ENTPD5: variants seen among roughly 807,000 people sequenced by gnomAD.
The protein encoded by ENTPD5 is ectonucleoside triphosphate diphosphohydrolase 5 (inactive), also known as nucleoside diphosphate phosphatase ENTPD5.
In ENTPD5, 49 loss-of-function variants were observed where a neutral mutation model predicts 60.2. The ratio of observed to expected loss-of-function variants is 0.81; its 90% CI spans 0.65 to 1.03. The LOEUF is 1.03. ENTPD5 is among the 50% of genes least tolerant of loss of function. ENTPD5 has a pLI of 0.00. For synonymous variants in ENTPD5, 187 were observed against 185.4 expected, an observed-to-expected ratio of 1.01 and a Z score of -0.07; for missense variants, 480 against 507.6, an observed-to-expected ratio of 0.95 and a Z score of 0.52.
At position 73,964,730 on chromosome 14, in the gene ENTPD5, TA is replaced by T. The variant is rs938708381; in HGVS notation, c.*2197del. ...TTGTTGACAAAGATGGGAAGGGGTC[TA>T]AAAGTCATGTCACTTATAAAAGAAC... On this transcript the variant is annotated 3_prime_UTR_variant, in exon 16 of 16. Transcript: ENST00000334696. 1.3e-5 allele frequency: 2 copies of T among 152,226 alleles called. No homozygotes were observed. The highest frequency in any genetic ancestry group is 4.8e-5 in the African/African-American group (2 of 41,466). 9.4% of individuals were successfully genotyped at this position (152,226 alleles called of 1,614,324 possible). A position where few individuals can be genotyped will look rare whatever the true frequency, so the allele number is the denominator to read the frequency against.
chr14:73,977,402 AGAATTCCCTAAGGC>A (rs1566722528), intron 6 of ENTPD5, 28 bp from the exon 7 acceptor site: 6 of 1,426,002 alleles, frequency 4.2e-6, no homozygotes, highest in Non-Finnish European at 5.8e-6. Flanking sequence ...AAAAAAAAAA[AGAATTCCCTAAGGC>A]AATAAAATAG....
downstream of ENTPD5, among the ~76,000 whole-genome samples, chr14:73,957,831 C>A (rs1347705961): frequency 6.6e-6 from 1 of 152,148 alleles, no homozygotes; most frequent in Non-Finnish European, 1.5e-5. Context: ...GTATTCCCAG[C>A]CTGTCTACTG....
intron 15 of ENTPD5, among the ~76,000 whole-genome samples, chr14:73,967,824 AAAAG>A (rs1256827005): frequency 3.3e-5 from 5 of 151,052 alleles, no homozygotes; most frequent in African/African-American, 4.9e-5. Context: ...AAAAGAAAAA[AAAAG>A]AAACGAACAA....
intron 14 of ENTPD5, among the ~76,000 whole-genome samples, chr14:73,970,356 G>T (rs2057170520): frequency 6.6e-6 from 1 of 152,138 alleles, no homozygotes; most frequent in African/African-American, 2.4e-5. Context: ...GCAGGGCGTG[G>T]TGGTGTACCG....
chr14:74,005,476 A>C (rs562804111), intron 3 of ENTPD5, among the ~76,000 whole-genome samples: 194 of 152,088 alleles, frequency 1.3e-3, no homozygotes, highest in African/African-American at 4.2e-3. Flanking sequence ...CTAGGATTAC[A>C]GGTGTGAGCC....
At chr14:73,999,495 C>A (rs923735011) in intron 3 of ENTPD5, among the ~76,000 whole-genome samples, 2 of 145,110 alleles carry the variant, frequency 1.4e-5, no homozygotes, top group African/African-American at 5.1e-5. Context: ...CCCCCACCCC[C>A]CCAAAAAAAA....
At chr14:73,985,783 T>A (rs2057874539) in intron 5 of ENTPD5, among the ~76,000 whole-genome samples, 2 of 151,974 alleles carry the variant, frequency 1.3e-5, no homozygotes, top group African/African-American at 4.8e-5. Flanking sequence ...AGAAAATATA[T>A]CCTCTCGGGG....
intron 2 of ENTPD5, among the ~76,000 whole-genome samples, chr14:74,012,292 G>GC (rs1491311445): frequency 6.0e-5 from 5 of 83,576 alleles, no homozygotes; most frequent in African/African-American, 2.4e-4. Context: ...TTAGTAGAGA[G>GC]GGGGGGGTTT....
At chr14:74,016,379 G>A (rs2059017596) in intron 1 of ENTPD5, among the ~76,000 whole-genome samples, 1 of 152,226 alleles carries the variant, frequency 6.6e-6, no homozygotes, top group African/African-American at 2.4e-5. Context: ...ACTCATGCCT[G>A]TAATCCCAGC....
chr14:73,959,442 T>G (rs765384354), downstream of ENTPD5: 4 of 1,614,128 alleles, frequency 2.5e-6, no homozygotes, highest in Non-Finnish European at 3.4e-6. Flanking sequence ...TTCCTTGGTT[T>G]GGTCCACGTC....
At chr14:73,998,702 G>A (rs141267721) in intron 3 of ENTPD5, among the ~76,000 whole-genome samples, 121 of 152,230 alleles carry the variant, frequency 7.9e-4, no homozygotes, top group African/African-American at 2.7e-3. Flanking sequence ...GAAAAAGGTC[G>A]TATCTGAGGA....
In ENTPD5 at chr14:74,017,578, C is replaced by CA. The variant is rs1188373135; in HGVS notation, c.-237-1649dup. 8.4e-3 allele frequency among the ~76,000 whole-genome samples: 780 copies of CA among 93,346 alleles called. 3 individuals are homozygous for CA. The highest frequency in any genetic ancestry group is 0.033 in the Middle Eastern group (5 of 150). The allele number at this position is 93,346 out of a possible 152,430, so 61.2% of individuals were successfully genotyped here. A position where few individuals can be genotyped will look rare whatever the true frequency, so the allele number is the denominator to read the frequency against. ...GGGCAACAAGAGCAAAACTCTGTCT[C>CA]AAAAAAAAAAAAAAAAAATTTTACA... On this transcript the variant is annotated intron_variant, in intron 1 of 15. Coordinates refer to ENST00000334696, the MANE Select transcript of ENTPD5 (RefSeq NM_001249.5).
chr14:73,982,307 TC>T (rs1369668855), intron 6 of ENTPD5, among the ~76,000 whole-genome samples: 1 of 152,144 alleles, frequency 6.6e-6, no homozygotes, highest in Non-Finnish European at 1.5e-5. Flanking sequence ...ACTCCTGACC[TC>T]AGGCAATCCA....
At chr14:73,957,854 C>CG (rs527900340), downstream of ENTPD5, among the ~76,000 whole-genome samples, 214 of 152,256 alleles carry the variant, frequency 1.4e-3, 2 homozygotes, top group South Asian at 0.011. Flanking sequence ...AAAGCAAACA[C>CG]GGGCTCATTT....
chr14:73,978,401 C>G (rs1394888375), intron 6 of ENTPD5, among the ~76,000 whole-genome samples: 2 of 151,696 alleles, frequency 1.3e-5, no homozygotes, highest in African/African-American at 4.9e-5. Flanking sequence ...GTCAGGAGTT[C>G]GAGACCGGCC....
intron 3 of ENTPD5, among the ~76,000 whole-genome samples, chr14:73,993,461 G>A (rs1162512751): frequency 6.6e-6 from 1 of 152,170 alleles, no homozygotes; most frequent in Non-Finnish European, 1.5e-5. Flanking sequence ...AGAGCTATTG[G>A]TTAGGAGAGG....
chr14:74,010,100 T>A (rs1043362371), intron 3 of ENTPD5, among the ~76,000 whole-genome samples: 6 of 151,664 alleles, frequency 4.0e-5, no homozygotes, highest in Non-Finnish European at 5.9e-5. Flanking sequence ...GTGTTTTCAA[T>A]TTTTTTATAG....
intron 1 of ENTPD5, among the ~76,000 whole-genome samples, chr14:74,017,631 A>G (rs572809300): frequency 6.6e-6 from 1 of 150,862 alleles, no homozygotes; most frequent in East Asian, 2.0e-4. Flanking sequence ...ATGCCTGTAA[A>G]TCTCAACACT....
At chr14:74,006,912 A>G (rs1272331911) in intron 3 of ENTPD5, among the ~76,000 whole-genome samples, 1 of 152,196 alleles carries the variant, frequency 6.6e-6, no homozygotes, top group Non-Finnish European at 1.5e-5. Flanking sequence ...TATAGTTAAG[A>G]AAGAGTAGGA....
Sources: gnomAD v4.1 joint callset for allele counts (sites outside exome capture counted in the v4.1 genomes callset) on GRCh38, gnomAD v4.1.1 for gene constraint, MANE v1.5 for transcripts, NCBI Gene and HGNC (gene_info 2026-07-23, HGNC 2026-07-21) for gene names.